OSBPL1A: variants seen among roughly 807,000 people sequenced by gnomAD.
The protein encoded by OSBPL1A is oxysterol-binding protein-related protein 1.
Under a neutral mutation model 137.1 loss-of-function variants are expected in OSBPL1A, and 80 were observed. The observed-to-expected ratio is 0.58, with a 90% CI of 0.49 to 0.70. The LOEUF (loss-of-function observed/expected upper bound fraction) is 0.70. Among genes scored for constraint, OSBPL1A ranks in the 30% least tolerant of loss-of-function variants. The probability of loss-of-function intolerance (pLI) is 0.00; values close to 1 mark genes in which losing one functional copy is unlikely to be tolerated. For missense variants in OSBPL1A, 970 were observed against 1,129.4 expected (o/e 0.86, Z 2.02); for synonymous variants, 365 against 389.7 (o/e 0.94, Z 0.75).
At chr18:24,186,354 C>T (rs2086745498) in intron 18 of OSBPL1A, among the ~76,000 whole-genome samples, 1 of 152,068 alleles carries the variant, frequency 6.6e-6, no homozygotes, top group African/African-American at 2.4e-5. Context: ...GATTTTTCCT[C>T]ATTCTAAATA....
chr18:24,287,980 G>A (rs980890989), intron 14 of OSBPL1A, among the ~76,000 whole-genome samples: 1 of 152,110 alleles, frequency 6.6e-6, no homozygotes, highest in Non-Finnish European at 1.5e-5. Context: ...AGGGGCAACT[G>A]TTGTGGCCTG....
rs759351953 is a variant in OSBPL1A, at chr18:24,170,319, A to G, written c.2418+8T>C. 2 of 1,614,014 alleles carry G rather than the reference A, an allele frequency of 1.2e-6. No homozygotes were observed. Among genetic ancestry groups the G allele is most frequent in the South Asian group, 1.1e-5 (1 of 91,064 alleles). On this transcript the variant is annotated splice_region_variant and intron_variant, in intron 24 of 27. Transcript: ENST00000319481. ...TATTCCTTCGATACCACCTTACAGG[A>G]TGTTCACCTGTTTGCTGTTCTTCTT...
chr18:24,181,267 T>A lies in OSBPL1A; in HGVS notation c.1690A>T (p.Ile564Phe). The A allele has an allele frequency of 6.2e-7, 1 of 1,614,142 alleles. No individual in the cohort carries two copies. Among genetic ancestry groups the A allele is most frequent in the Non-Finnish European group, 8.5e-7 (1 of 1,180,014 alleles). ...TCATTAAATATAACTGGCATCGTGA[T>A]CTTGGATAGTTCCTATTTAACCAGA... ...RKCIGMELSK[I>F]TMPVIFNEPL... Residue 564 changes from isoleucine to phenylalanine, a missense_variant, in exon 19 of 28, where the codon ATC (isoleucine) becomes TTC (phenylalanine). Around this residue, in one of 2 missense-constraint regions of OSBPL1A, gnomAD observed 647 missense variants for 672.6 expected, o/e 0.96. Transcript: ENST00000319481.
intron 15 of OSBPL1A, among the ~76,000 whole-genome samples, chr18:24,265,712 G>A (rs2089553731): frequency 1.3e-5 from 2 of 152,178 alleles, no homozygotes; most frequent in East Asian, 1.9e-4. Flanking sequence ...CATGTAGCAT[G>A]TTGTCACCGG....
intron 17 of OSBPL1A, among the ~76,000 whole-genome samples, chr18:24,215,876 G>A (rs544784224): frequency 5.3e-5 from 8 of 152,310 alleles, no homozygotes; most frequent in African/African-American, 1.4e-4. Context: ...GGAGGGTTGG[G>A]GGAAGAGGGT....
intron 17 of OSBPL1A, among the ~76,000 whole-genome samples, chr18:24,210,586 T>C (rs1486624252): frequency 6.6e-6 from 1 of 151,364 alleles, no homozygotes; most frequent in East Asian, 1.9e-4. Context: ...CAGGCTGGAA[T>C]ACGGTGGCAC....
chr18:24,395,880 C>T (rs973072219), intron 1 of OSBPL1A, among the ~76,000 whole-genome samples: 13 of 150,812 alleles, frequency 8.6e-5, no homozygotes. Context: ...CCTCGGCCTC[C>T]CAAAGTGCTG....
chr18:24,353,452 A>G (rs2091479261), intron 4 of OSBPL1A, among the ~76,000 whole-genome samples: 1 of 151,930 alleles, frequency 6.6e-6, no homozygotes, highest in Admixed American at 6.6e-5. Flanking sequence ...AAATAGGAAC[A>G]CTTTTACACT....
chr18:24,213,094 G>C (rs1213817922), intron 17 of OSBPL1A, among the ~76,000 whole-genome samples: 1 of 152,166 alleles, frequency 6.6e-6, no homozygotes, highest in African/African-American at 2.4e-5. Flanking sequence ...TCAGAGACGA[G>C]GGTGACTCAA....
At chr18:24,387,621 C>A (rs1005720653) in intron 1 of OSBPL1A, among the ~76,000 whole-genome samples, 3 of 152,086 alleles carry the variant, frequency 2.0e-5, no homozygotes, top group Non-Finnish European at 4.4e-5. Context: ...CGCTTTGTTG[C>A]CCTGGCTGAT....
At chr18:24,265,615 G>GATTT (rs2089550985) in intron 15 of OSBPL1A, among the ~76,000 whole-genome samples, 1 of 152,226 alleles carries the variant, frequency 6.6e-6, no homozygotes, top group Non-Finnish European at 1.5e-5. Flanking sequence ...AGTGAGGGCT[G>GATTT]ATTTCTCAAG....
chr18:24,276,344 T>G (rs933972328), intron 15 of OSBPL1A, among the ~76,000 whole-genome samples: 3 of 152,180 alleles, frequency 2.0e-5, no homozygotes, highest in African/African-American at 7.2e-5. Flanking sequence ...AAAACTACCC[T>G]AAAAACAGCA....
At chr18:24,341,478 C>G in intron 5 of OSBPL1A, 69 bp downstream of exon 5, 1 of 1,166,804 alleles carries the variant, frequency 8.6e-7, no homozygotes, top group Non-Finnish European at 1.3e-6. Flanking sequence ...TTCTCAGAAG[C>G]CATTTTTAGT....
Position 24,393,932 on chromosome 18 carries a change from C to T in OSBPL1A, c.-3+3723G>A, listed in dbSNP as rs149972073. 7.9e-4 allele frequency among the ~76,000 whole-genome samples: 121 copies of T among 152,246 alleles called. 2 individuals are homozygous for T. Among genetic ancestry groups the T allele is most frequent in the African/African-American group, 2.8e-3 (118 of 41,534 alleles). On this transcript the variant is annotated intron_variant, in intron 1 of 27. Coordinates refer to ENST00000319481, the MANE Select transcript of OSBPL1A (RefSeq NM_080597.4). Reference sequence around the variant, plus strand: ...CTAAAACATGGCAATTTAAGGAAAACAGGAGCAAATTATAAAGCCTATTTT... The same window carrying T: ...CTAAAACATGGCAATTTAAGGAAAATAGGAGCAAATTATAAAGCCTATTTT...
At chr18:24,312,179 G>C in intron 12 of OSBPL1A, 73 bp from the exon 13 acceptor site, 1 of 1,553,286 alleles carries the variant, frequency 6.4e-7, no homozygotes, top group Non-Finnish European at 8.8e-7. Context: ...ACAATGATCT[G>C]ATAAGCATAA....
intron 17 of OSBPL1A, among the ~76,000 whole-genome samples, chr18:24,204,791 C>G (rs1261098297): frequency 1.3e-5 from 2 of 152,116 alleles, no homozygotes; most frequent in Non-Finnish European, 2.9e-5. Flanking sequence ...GGAGCTCTCT[C>G]TCCAACACTT....
At position 24,302,101 on chromosome 18, in the gene OSBPL1A, C is replaced by T. The variant is rs545116283; in HGVS notation, c.1174+1536G>A. Among the ~76,000 whole-genome samples, 235 of 151,876 alleles carry T rather than the reference C, an allele frequency of 1.5e-3. 1 individual carries two copies. The highest frequency in any genetic ancestry group is 5.2e-3 in the African/African-American group (216 of 41,434). ...TAAAAAAATTAGCCGGGCATGGTAG[C>T]GGGCACTTGTAGTCCCCAGCTACTC... is the stretch of plus-strand genomic sequence containing the variant. On this transcript the variant is annotated intron_variant, in intron 14 of 27. Coordinates refer to ENST00000319481, the MANE Select transcript of OSBPL1A (RefSeq NM_080597.4).
At chr18:24,352,560 A>G (rs912496595) in intron 4 of OSBPL1A, among the ~76,000 whole-genome samples, 3 of 152,044 alleles carry the variant, frequency 2.0e-5, no homozygotes, top group Non-Finnish European at 2.9e-5. Context: ...AACTGGAAAA[A>G]ACTACTTTAA....
intron 14 of OSBPL1A, among the ~76,000 whole-genome samples, chr18:24,282,724 C>T (rs976368075): frequency 6.6e-6 from 1 of 152,140 alleles, no homozygotes; most frequent in Non-Finnish European, 1.5e-5. Flanking sequence ...TCTGTCCCTT[C>T]CATCAAATAA....
Sources: allele counts gnomAD v4.1 joint callset (sites outside exome capture counted in the v4.1 genomes callset), GRCh38; gene constraint gnomAD v4.1.1; regional missense constraint gnomAD v4.1.1; transcripts MANE v1.5; gene names NCBI Gene and HGNC (gene_info 2026-07-23, HGNC 2026-07-21).